The following BTBD9 variants were observed in gnomAD, a reference collection of about 807,000 sequenced individuals.
BTBD9 encodes the protein BTB/POZ domain-containing protein 9.
Under a neutral mutation model 64.3 loss-of-function variants are expected in BTBD9, and 49 were observed. The observed-to-expected ratio is 0.76, with a 90% confidence interval of 0.61 to 0.97. The LOEUF is 0.97. Ranked by LOEUF, BTBD9 falls within the 50% of genes least tolerant of loss-of-function variation. The probability of loss-of-function intolerance (pLI) is 0.00; values close to 1 mark genes in which losing one functional copy is unlikely to be tolerated. For missense variants in BTBD9, 598 were observed against 762.1 expected (o/e 0.78, Z 2.53); for synonymous variants, 260 against 274.7 (o/e 0.95, Z 0.53).
intron 6 of BTBD9, among the ~76,000 whole-genome samples, chr6:38,363,974 GT>G (rs1413793520): frequency 6.6e-6 from 1 of 152,170 alleles, no homozygotes; most frequent in Non-Finnish European, 1.5e-5. Flanking sequence ...CAGTATGGCT[GT>G]CACAGAGAAT....
Position 38,175,203 on chromosome 6 carries a change from A to G in BTBD9, c.1642-21T>C, listed in dbSNP as rs759837694. 11 of 1,613,558 alleles carry G rather than the reference A, an allele frequency of 6.8e-6. No individual in the cohort carries two copies. The Admixed American group carries it at 1.7e-4, about 24-fold the overall frequency. On this transcript the variant is annotated intron_variant, in intron 10 of 10. Transcript: ENST00000481247. Reference sequence around the variant, plus strand: ...AACACCTGGGAGAGAAAAGGAAAAGACCCCATGAGTGAAGGGTCAGCATGC... The same window carrying G: ...AACACCTGGGAGAGAAAAGGAAAAGGCCCCATGAGTGAAGGGTCAGCATGC...
At chr6:38,617,303 T>A (rs1777824988) in intron 1 of BTBD9, among the ~76,000 whole-genome samples, 1 of 152,114 alleles carries the variant, frequency 6.6e-6, no homozygotes, top group Admixed American at 6.6e-5. Flanking sequence ...CAAGGTTACA[T>A]CACCCAAGCG....
At chr6:38,562,492 C>T (rs561253763) in intron 6 of BTBD9, among the ~76,000 whole-genome samples, 6 of 152,112 alleles carry the variant, frequency 3.9e-5, no homozygotes, top group African/African-American at 7.2e-5. Flanking sequence ...TAAAAATGAT[C>T]GCATAGCCAA....
intron 10 of BTBD9, among the ~76,000 whole-genome samples, chr6:38,190,392 G>T (rs976824223): frequency 6.7e-6 from 1 of 148,472 alleles, no homozygotes; most frequent in African/African-American, 2.5e-5. Flanking sequence ...TCACTTGGAC[G>T]CAGGCGGCAG....
At chr6:38,269,859 G>A (rs1765141220) in intron 8 of BTBD9, among the ~76,000 whole-genome samples, 1 of 152,220 alleles carries the variant, frequency 6.6e-6, no homozygotes, top group Non-Finnish European at 1.5e-5. Context: ...CCCAGGTGCC[G>A]ACATGAATAT....
intron 8 of BTBD9, among the ~76,000 whole-genome samples, chr6:38,261,285 T>C (rs1764782880): frequency 6.6e-6 from 1 of 152,176 alleles, no homozygotes. Context: ...TGTCTTTGAA[T>C]GATTCTGTAA....
intron 6 of BTBD9, among the ~76,000 whole-genome samples, chr6:38,415,309 A>T (rs1335911848): frequency 2.0e-5 from 3 of 152,182 alleles, no homozygotes; most frequent in African/African-American, 7.2e-5. Context: ...GGAACAATGT[A>T]ATCACAAAGG....
intron 8 of BTBD9, among the ~76,000 whole-genome samples, chr6:38,263,800 A>G (rs546034839): frequency 9.9e-5 from 15 of 152,280 alleles, no homozygotes; most frequent in Admixed American, 8.5e-4. Context: ...AAATCTTCTA[A>G]TCACTTAAAT....
chr6:38,175,170 C>T lies in BTBD9; in HGVS notation c.1654G>A (p.Val552Ile). Residue 552 changes from valine to isoleucine, a missense_variant, in exon 11 of 11, where the codon GTC (valine) becomes ATC (isoleucine). Val to Ile is a conservative substitution (Grantham distance 29). Transcript: ENST00000481247. ...TGCTGCTCTGGACACTCAAAGTGGA[C>T]ACAGTGGAACACCTGGGAGAGAAAA... ...HNTANEVFHC[V>I]HFECPEQQSS... The T allele has an allele frequency of 6.2e-7, 1 of 1,614,186 alleles. No individual in the cohort carries two copies. Among genetic ancestry groups the T allele is most frequent in the Non-Finnish European group, 8.5e-7 (1 of 1,180,038 alleles).
chr6:38,438,656 A>C (rs193120671), intron 6 of BTBD9, among the ~76,000 whole-genome samples: 8 of 152,342 alleles, frequency 5.3e-5, no homozygotes, highest in African/African-American at 9.6e-5. Context: ...TCATTCTTTC[A>C]ATCTTACAAG....
chr6:38,305,085 C>T (rs898659396), intron 7 of BTBD9, among the ~76,000 whole-genome samples: 3 of 151,534 alleles, frequency 2.0e-5, no homozygotes, highest in East Asian at 1.9e-4. Flanking sequence ...AGATAGAAAA[C>T]GATGCCTATG....
chr6:38,225,044 A>G (rs1763347616), intron 9 of BTBD9, among the ~76,000 whole-genome samples: 2 of 152,196 alleles, frequency 1.3e-5, no homozygotes, highest in African/African-American at 4.8e-5. Flanking sequence ...CTCTCCTATG[A>G]AAGGGGCACT....
intron 1 of BTBD9, among the ~76,000 whole-genome samples, chr6:38,630,520 G>C (rs1778327164): frequency 6.6e-6 from 1 of 152,196 alleles, no homozygotes; most frequent in Non-Finnish European, 1.5e-5. Flanking sequence ...CAAAAGGAGA[G>C]AGAGAAGGAT....
intron 5 of BTBD9, among the ~76,000 whole-genome samples, chr6:38,578,169 C>T (rs1473677101): frequency 1.3e-5 from 2 of 152,068 alleles, no homozygotes; most frequent in Non-Finnish European, 2.9e-5. Flanking sequence ...GGTGTTCGGC[C>T]ACCCCTCTAA....
intron 6 of BTBD9, among the ~76,000 whole-genome samples, chr6:38,427,788 A>G (rs1768242050): frequency 6.6e-6 from 1 of 151,988 alleles, no homozygotes; most frequent in African/African-American, 2.4e-5. Context: ...TAGGTCAACC[A>G]TTCTCTACTT....
intron 7 of BTBD9, among the ~76,000 whole-genome samples, chr6:38,308,526 C>T (rs542709390): frequency 6.6e-6 from 1 of 152,350 alleles, no homozygotes; most frequent in South Asian, 2.1e-4. Flanking sequence ...ATAAGTTTCA[C>T]ATGAATTTAT....
chr6:38,550,156 C>T (rs1774731897), intron 6 of BTBD9, among the ~76,000 whole-genome samples: 1 of 152,086 alleles, frequency 6.6e-6, no homozygotes, highest in Non-Finnish European at 1.5e-5. Flanking sequence ...TCTACCTAGA[C>T]ATCTAAAAGG....
chr6:38,252,620 T>C (rs1764441680), intron 9 of BTBD9, among the ~76,000 whole-genome samples: 1 of 152,168 alleles, frequency 6.6e-6, no homozygotes, highest in South Asian at 2.1e-4. Flanking sequence ...GTTAAAAACA[T>C]ATAAATTATT....
chr6:38,172,515 CAGTA>C lies in BTBD9; in HGVS notation c.*2466_*2469del, dbSNP rs1766834873. 4.6e-5 allele frequency: 7 copies of C among 152,316 alleles called. No homozygotes were observed. The highest frequency in any genetic ancestry group is 1.7e-4 in the African/African-American group (7 of 41,458). The allele number at this position is 152,316 out of a possible 1,614,324, so 9.4% of individuals were successfully genotyped here. ...AGTCAGAAGGCCCCTCAGGGAAGGGCAGTACCCCTCCAGCCTGGGAAAGGAGGTG... is the reference window on the plus strand; with the variant it reads ...AGTCAGAAGGCCCCTCAGGGAAGGGCCCCCTCCAGCCTGGGAAAGGAGGTG... On this transcript the variant is annotated 3_prime_UTR_variant, in exon 11 of 11. Coordinates refer to ENST00000481247, the MANE Select transcript of BTBD9 (RefSeq NM_001099272.2).
Sources: gnomAD v4.1 joint callset for allele counts (sites outside exome capture counted in the v4.1 genomes callset) on GRCh38, gnomAD v4.1.1 for gene constraint, MANE v1.5 for transcripts, NCBI Gene and HGNC (gene_info 2026-07-23, HGNC 2026-07-21) for gene names.